The following CBLB variants were observed in gnomAD, a reference collection of about 807,000 sequenced individuals.
The protein encoded by CBLB is E3 ubiquitin-protein ligase CBL-B.
Under a neutral mutation model 104.9 loss-of-function variants are expected in CBLB, and 31 were observed. The observed-to-expected ratio is 0.30, with a 90% CI of 0.22 to 0.40. CBLB has a LOEUF of 0.40. Ranked by LOEUF, CBLB falls within the 10% of genes least tolerant of loss-of-function variation. CBLB has a pLI of 1.00. For synonymous variants in CBLB, 440 were observed against 422.6 expected (o/e 1.04, Z -0.51); for missense variants, 1,062 against 1,214.6 (o/e 0.87, Z 1.87).
At chr3:105,858,538 C>A (rs1037696916) in intron 2 of CBLB, among the ~76,000 whole-genome samples, 1 of 152,156 alleles carries the variant, frequency 6.6e-6, no homozygotes, top group Non-Finnish European at 1.5e-5. Flanking sequence ...TGACAAAGAA[C>A]AAATCTGTAG....
intron 9 of CBLB, among the ~76,000 whole-genome samples, chr3:105,729,683 GTTC>G (rs781616888): frequency 4.3e-4 from 65 of 152,120 alleles, no homozygotes; most frequent in Admixed American, 2.5e-3. Flanking sequence ...CTATAATTTT[GTTC>G]TTCTTACTGA....
At chr3:105,678,897 A>G (rs530804450) in intron 16 of CBLB, among the ~76,000 whole-genome samples, 1 of 152,292 alleles carries the variant, frequency 6.6e-6, no homozygotes, top group East Asian at 1.9e-4. Context: ...TAATATTAGG[A>G]CTCAGAGTTT....
intron 3 of CBLB, among the ~76,000 whole-genome samples, chr3:105,778,109 G>A (rs2079698473): frequency 6.6e-6 from 1 of 151,980 alleles, no homozygotes; most frequent in Non-Finnish European, 1.5e-5. Flanking sequence ...ATGAGAGAGA[G>A]AGAGAGTGTG....
intron 3 of CBLB, among the ~76,000 whole-genome samples, chr3:105,842,843 T>C (rs1439814766): frequency 1.3e-5 from 2 of 152,228 alleles, no homozygotes; most frequent in Non-Finnish European, 2.9e-5. Flanking sequence ...ATGGGTATTG[T>C]TACTTTTAGC....
chr3:105,790,491 A>G (rs2081507138), intron 3 of CBLB, among the ~76,000 whole-genome samples: 2 of 152,260 alleles, frequency 1.3e-5, no homozygotes, highest in Non-Finnish European at 2.9e-5. Context: ...AATAAAGTTT[A>G]TTCACTCAAT....
chr3:105,856,064 G>A (rs2091560549), intron 2 of CBLB, among the ~76,000 whole-genome samples: 1 of 151,728 alleles, frequency 6.6e-6, no homozygotes, highest in Admixed American at 6.6e-5. Flanking sequence ...CTTTCTTAAA[G>A]AAATTGGCCA....
At chr3:105,842,903 T>G (rs2089745180) in intron 3 of CBLB, among the ~76,000 whole-genome samples, 2 of 152,230 alleles carry the variant, frequency 1.3e-5, no homozygotes, top group South Asian at 4.1e-4. Context: ...TAATGCAACT[T>G]ATATGATGGA....
chr3:105,744,632 T>TAA (rs879674122), intron 6 of CBLB, among the ~76,000 whole-genome samples: 2 of 148,874 alleles, frequency 1.3e-5, no homozygotes, highest in Non-Finnish European at 3.0e-5. Flanking sequence ...GGCTTGCACT[T>TAA]AAAAAAAAAA....
At chr3:105,686,670 T>C (rs1345747472) in intron 13 of CBLB, among the ~76,000 whole-genome samples, 1 of 152,078 alleles carries the variant, frequency 6.6e-6, no homozygotes, top group Non-Finnish European at 1.5e-5. Context: ...AACCATATTA[T>C]CTAAGTCATT....
intron 3 of CBLB, among the ~76,000 whole-genome samples, chr3:105,826,746 A>G (rs1430101264): frequency 1.3e-5 from 2 of 152,214 alleles, no homozygotes; most frequent in African/African-American, 4.8e-5. Context: ...GCAATGATAC[A>G]CATGATGCAA....
intron 10 of CBLB, among the ~76,000 whole-genome samples, chr3:105,718,815 A>G (rs1175938219): frequency 6.6e-6 from 1 of 152,130 alleles, no homozygotes. Context: ...ACTCAATCCC[A>G]TTTCTCTGAT....
intron 3 of CBLB, among the ~76,000 whole-genome samples, chr3:105,784,417 A>G (rs1330718048): frequency 6.6e-6 from 1 of 152,236 alleles, no homozygotes; most frequent in African/African-American, 2.4e-5. Context: ...AATGTTGGAA[A>G]TTCAAACTAT....
At chr3:105,788,633 A>G (rs1196308666) in intron 3 of CBLB, among the ~76,000 whole-genome samples, 1 of 152,200 alleles carries the variant, frequency 6.6e-6, no homozygotes, top group Non-Finnish European at 1.5e-5. Context: ...GATCCCTAAA[A>G]CATACATTGT....
intron 4 of CBLB, among the ~76,000 whole-genome samples, chr3:105,752,739 AGT>A (rs958742471): frequency 1.2e-4 from 18 of 152,316 alleles, no homozygotes; most frequent in African/African-American, 4.1e-4. Flanking sequence ...TTTCTATAGC[AGT>A]GTTTGTCAAA....
At position 105,691,808 on chromosome 3, in the gene CBLB, T is replaced by C. The variant is rs564176849; in HGVS notation, c.2054+1686A>G. Among the ~76,000 whole-genome samples, 5 of 152,238 alleles carry C rather than the reference T, an allele frequency of 3.3e-5. No homozygotes were observed. In the East Asian group the frequency reaches 9.7e-4, roughly 29 times the overall value. On this transcript the variant is annotated intron_variant, in intron 13 of 18. Transcript: ENST00000394030. Reference sequence around the variant, plus strand: ...ATCTAATTCGCTGAGTTTCCCACCGTCCCCTGAATGATGCCAAATTTCACA... The same window carrying C: ...ATCTAATTCGCTGAGTTTCCCACCGCCCCCTGAATGATGCCAAATTTCACA...
chr3:105,848,426 T>C (rs990382629), intron 3 of CBLB, among the ~76,000 whole-genome samples: 1 of 152,126 alleles, frequency 6.6e-6, no homozygotes, highest in Non-Finnish European at 1.5e-5. Flanking sequence ...AGGAAATGTA[T>C]TGAATGCCAT....
At chr3:105,663,944 C>G (rs1576122662) in intron 18 of CBLB, among the ~76,000 whole-genome samples, 2 of 148,074 alleles carry the variant, frequency 1.4e-5, no homozygotes, top group East Asian at 3.9e-4. Context: ...CGTAGGCAGA[C>G]CATATTTTTT....
At chr3:105,717,834 T>TA (rs1375667664) in intron 10 of CBLB, among the ~76,000 whole-genome samples, 3 of 152,234 alleles carry the variant, frequency 2.0e-5, no homozygotes. Flanking sequence ...ATGTATTACA[T>TA]AGTATTATTA....
chr3:105,824,846 C>T (rs954048753), intron 3 of CBLB, among the ~76,000 whole-genome samples: 3 of 152,030 alleles, frequency 2.0e-5, no homozygotes, highest in Non-Finnish European at 2.9e-5. Context: ...ATCATTCCAC[C>T]TTCTCTTGTT....
Sources: gnomAD v4.1 joint callset for allele counts (sites outside exome capture counted in the v4.1 genomes callset) on GRCh38, gnomAD v4.1.1 for gene constraint, MANE v1.5 for transcripts, NCBI Gene and HGNC (gene_info 2026-07-23, HGNC 2026-07-21) for gene names.